BAZ2B: variants seen among roughly 807,000 people sequenced by gnomAD.
The protein encoded by BAZ2B is bromodomain adjacent to zinc finger domain protein 2B.
A neutral mutation model predicts 246.0 loss-of-function variants in BAZ2B; 91 were observed. The observed-to-expected ratio is 0.37, with a 90% CI of 0.31 to 0.44. The LOEUF (loss-of-function observed/expected upper bound fraction) is 0.44. Ranked by LOEUF, BAZ2B falls within the 20% of genes least tolerant of loss-of-function variation. BAZ2B has a pLI of 1.00. For synonymous variants in BAZ2B, 855 were observed against 860.0 expected (o/e 0.99, Z 0.10); for missense variants, 2,332 against 2,533.7 (o/e 0.92, Z 1.71).
chr2:159,698,507 C>T, the BAZ2B span, among the ~76,000 whole-genome samples: 32 of 119,670 alleles, frequency 2.7e-4, 1 homozygote, highest in South Asian at 7.1e-3. Flanking sequence ...GTGTCCCCCA[C>T]CATCCCACAA....
chr2:159,342,448 C>A (rs1456238746), intron 31 of BAZ2B, among the ~76,000 whole-genome samples: 1 of 152,086 alleles, frequency 6.6e-6, no homozygotes, highest in East Asian at 1.9e-4. Context: ...ACTACGCCCA[C>A]CTAATTTTTG....
chr2:159,505,590 A>G (rs1228976370), intron 2 of BAZ2B, among the ~76,000 whole-genome samples: 1 of 152,212 alleles, frequency 6.6e-6, no homozygotes, highest in Non-Finnish European at 1.5e-5. Flanking sequence ...TAAAGATGCT[A>G]TAAGACTCAC....
chr2:159,502,004 G>C (rs2081896822), intron 2 of BAZ2B, among the ~76,000 whole-genome samples: 1 of 152,186 alleles, frequency 6.6e-6, no homozygotes, highest in Admixed American at 6.5e-5. Flanking sequence ...AAGGAATAAA[G>C]TGATACATGA....
chr2:159,496,375 TAAAAAAAAA>T (rs58900011), intron 2 of BAZ2B, among the ~76,000 whole-genome samples: 1 of 58,902 alleles, frequency 1.7e-5, no homozygotes, highest in East Asian at 4.7e-4. Context: ...AGACTCCATC[TAAAAAAAAA>T]AAAAAAAAAA....
chr2:159,477,572 C>T (rs2078746868), intron 3 of BAZ2B, among the ~76,000 whole-genome samples: 1 of 151,812 alleles, frequency 6.6e-6, no homozygotes, highest in Admixed American at 6.6e-5. Flanking sequence ...CACATTTATG[C>T]AAAAGTTTCC....
intron 2 of BAZ2B, among the ~76,000 whole-genome samples, chr2:159,519,090 A>C: frequency 6.6e-6 from 1 of 152,068 alleles, no homozygotes; most frequent in Non-Finnish European, 1.5e-5. Context: ...AAGATTCCCC[A>C]AAATAAGCCA....
At chr2:159,563,848 T>C (rs1023185563) in intron 1 of BAZ2B, among the ~76,000 whole-genome samples, 4 of 152,212 alleles carry the variant, frequency 2.6e-5, no homozygotes, top group African/African-American at 9.6e-5. Context: ...ATCACAAGTG[T>C]GAAAATCAGA....
At chr2:159,360,859 CCT>C (rs1219481261) in intron 27 of BAZ2B, among the ~76,000 whole-genome samples, 2 of 152,158 alleles carry the variant, frequency 1.3e-5, no homozygotes, top group African/African-American at 4.8e-5. Context: ...GAAAGGATTC[CCT>C]GTTTAATAAA....
At chr2:159,608,420 C>A (rs1694006796) in intron 1 of BAZ2B, among the ~76,000 whole-genome samples, 1 of 152,066 alleles carries the variant, frequency 6.6e-6, no homozygotes, top group South Asian at 2.1e-4. Context: ...ATTAACTCAC[C>A]CTTCTTCTTT....
chr2:159,403,792 T>C (rs2065475380), intron 16 of BAZ2B, among the ~76,000 whole-genome samples: 1 of 152,128 alleles, frequency 6.6e-6, no homozygotes, highest in South Asian at 2.1e-4. Flanking sequence ...AGTAGGCACT[T>C]TATGTTCATT....
chr2:159,578,782 G>A (rs13429916), intron 1 of BAZ2B, among the ~76,000 whole-genome samples: 6,357 of 152,150 alleles, frequency 0.042, 424 homozygotes, highest in African/African-American at 0.14. Context: ...ACTCAAAACC[G>A]CTTAACTACA....
At chr2:159,516,433 A>G (rs1349540924) in intron 2 of BAZ2B, 2 of 152,474 alleles carry the variant, frequency 1.3e-5, no homozygotes, top group East Asian at 3.8e-4. Flanking sequence ...AAGGGTCAGC[A>G]TATGTCTTTT....
chr2:159,627,991 G>A, the BAZ2B span, among the ~76,000 whole-genome samples: 2 of 152,148 alleles, frequency 1.3e-5, no homozygotes, highest in East Asian at 3.8e-4. Flanking sequence ...CAAAATCAAA[G>A]TGCAAAAATC....
intron 1 of BAZ2B, among the ~76,000 whole-genome samples, chr2:159,590,287 A>T (rs1014873688): frequency 6.9e-6 from 1 of 144,106 alleles, no homozygotes; most frequent in African/African-American, 2.7e-5. Flanking sequence ...AAAAAAAAAA[A>T]GTAAAAATGC....
At chr2:159,599,932 TCTC>T (rs1691708598) in intron 1 of BAZ2B, among the ~76,000 whole-genome samples, 1 of 54,448 alleles carries the variant, frequency 1.8e-5, no homozygotes. Context: ...CGAGACTCCT[TCTC>T]AAAAAAAAAA....
intron 2 of BAZ2B, among the ~76,000 whole-genome samples, chr2:159,508,386 C>A (rs902463268): frequency 6.6e-6 from 1 of 152,158 alleles, no homozygotes; most frequent in Admixed American, 6.6e-5. Flanking sequence ...TATCTAATTA[C>A]TGAATTTGTA....
At chr2:159,477,183 C>T (rs536446093) in intron 3 of BAZ2B, among the ~76,000 whole-genome samples, 3 of 151,828 alleles carry the variant, frequency 2.0e-5, no homozygotes, top group East Asian at 1.9e-4. Flanking sequence ...TGGGCACCTG[C>T]GGTCCCAGCT....
intron 31 of BAZ2B, among the ~76,000 whole-genome samples, chr2:159,338,662 T>C (rs1156586725): frequency 2.0e-5 from 3 of 152,212 alleles, no homozygotes; most frequent in East Asian, 3.8e-4. Context: ...ACACATCTTA[T>C]GTTGCAGTCA....
rs573474473 is a variant in BAZ2B, at chr2:159,532,952, C to T, written c.-3+22871G>A. Among the ~76,000 whole-genome samples, 13 of 152,074 alleles carry T rather than the reference C, an allele frequency of 8.5e-5. No homozygotes were observed. The East Asian group carries it at 1.7e-3, about 20-fold the overall frequency. ...AAAGGAAATACCATAAACAAAGGTGCGAAAAACAAAATCATGACTTCAGAT... is the reference window on the plus strand; with the variant it reads ...AAAGGAAATACCATAAACAAAGGTGTGAAAAACAAAATCATGACTTCAGAT... On this transcript the variant is annotated intron_variant, in intron 2 of 36. Coordinates refer to ENST00000392783, the MANE Select transcript of BAZ2B (RefSeq NM_013450.4).
Sources: allele counts gnomAD v4.1 joint callset (sites outside exome capture counted in the v4.1 genomes callset), GRCh38; gene constraint gnomAD v4.1.1; transcripts MANE v1.5; gene names NCBI Gene and HGNC (gene_info 2026-07-23, HGNC 2026-07-21).